OSBP2: variants seen among roughly 807,000 people sequenced by gnomAD.
OSBP2 encodes oxysterol-binding protein 2.
Under a neutral mutation model 96.0 loss-of-function variants are expected in OSBP2, and 66 were observed. The ratio of observed to expected loss-of-function variants is 0.69; its 90% CI spans 0.56 to 0.84. OSBP2 has a LOEUF of 0.84. Among genes scored for constraint, OSBP2 ranks in the 40% least tolerant of loss-of-function variants. The probability of loss-of-function intolerance (pLI) is 0.00; values close to 1 mark genes in which losing one functional copy is unlikely to be tolerated. For synonymous variants in OSBP2, 525 were observed against 520.9 expected (o/e 1.01, Z -0.11); for missense variants, 1,038 against 1,222.7 (o/e 0.85, Z 2.25).
intron 2 of OSBP2, among the ~76,000 whole-genome samples, chr22:30,766,439 A>T (rs755826510): frequency 6.6e-6 from 1 of 152,144 alleles, no homozygotes; most frequent in African/African-American, 2.4e-5. Context: ...ACAAATAAAC[A>T]TATCTAGGCT....
chr22:30,872,532 C>G, intron 3 of OSBP2: 1 of 368,868 alleles, frequency 2.7e-6, no homozygotes, highest in Non-Finnish European at 5.4e-6. Context: ...AAGCACAACC[C>G]CCTGGGGTTG....
chr22:30,891,730 G>C (rs997178635), intron 8 of OSBP2, among the ~76,000 whole-genome samples: 2 of 152,122 alleles, frequency 1.3e-5, no homozygotes, highest in African/African-American at 2.4e-5. Context: ...ATACGGGGGT[G>C]GGGGGCAGTC....
intron 2 of OSBP2, among the ~76,000 whole-genome samples, chr22:30,867,963 G>C (rs2039379481): frequency 6.6e-6 from 1 of 152,260 alleles, no homozygotes; most frequent in South Asian, 2.1e-4. Context: ...TACTGAACCT[G>C]GAAGATGACG....
chr22:30,888,013 G>T (rs146988915), intron 4 of OSBP2, among the ~76,000 whole-genome samples: 53 of 152,252 alleles, frequency 3.5e-4, no homozygotes, highest in African/African-American at 1.2e-3. Flanking sequence ...CCAGAAAGAG[G>T]CTCCTGTGCG....
intron 12 of OSBP2, among the ~76,000 whole-genome samples, chr22:30,901,140 C>T (rs1216648051): frequency 6.6e-6 from 1 of 152,184 alleles, no homozygotes; most frequent in Non-Finnish European, 1.5e-5. Context: ...GTGATCTCGA[C>T]TCATTGCAAC....
intron 2 of OSBP2, among the ~76,000 whole-genome samples, chr22:30,833,381 A>G (rs2038570163): frequency 6.6e-6 from 1 of 152,258 alleles, no homozygotes. Context: ...AGAAATTTTA[A>G]AATAAGCGTA....
At chr22:30,902,788 G>T in intron 12 of OSBP2, 2 of 412,596 alleles carry the variant, frequency 4.8e-6, no homozygotes, top group South Asian at 2.0e-5. Flanking sequence ...ATGAGCCTGC[G>T]GTTGGGAGGG....
intron 2 of OSBP2, among the ~76,000 whole-genome samples, chr22:30,786,179 A>C (rs1363867017): frequency 6.6e-6 from 1 of 151,902 alleles, no homozygotes; most frequent in African/African-American, 2.4e-5. Context: ...GTGCCACCAC[A>C]CCCAGCTAAT....
At chr22:30,818,506 G>A (rs1304776312) in intron 2 of OSBP2, among the ~76,000 whole-genome samples, 1 of 152,168 alleles carries the variant, frequency 6.6e-6, no homozygotes, top group Non-Finnish European at 1.5e-5. Context: ...ATGTGCTTGC[G>A]ATTCTTAATG....
rs759074630 is a variant in OSBP2, at chr22:30,870,379, G to C, written c.854-50G>C. ...CTCGGCCTGGCTGTGCAGGCCTCTTGGTACCACGTCTGTTCGTAATGACCG... is the reference window on the plus strand; with the variant it reads ...CTCGGCCTGGCTGTGCAGGCCTCTTCGTACCACGTCTGTTCGTAATGACCG... On this transcript the variant is annotated intron_variant, in intron 2 of 13. Transcript: ENST00000332585. The surrounding 1 kb of genome is among the most constrained non-coding windows in gnomAD (Gnocchi z 4.1). 5.6e-5 allele frequency: 90 copies of C among 1,598,186 alleles called. No individual in the cohort carries two copies. The highest frequency in any genetic ancestry group is 6.9e-5 in the Non-Finnish European group (81 of 1,172,268).
chr22:30,876,566 G>C (rs1311601860), intron 3 of OSBP2, among the ~76,000 whole-genome samples: 1 of 152,186 alleles, frequency 6.6e-6, no homozygotes, highest in Non-Finnish European at 1.5e-5. Flanking sequence ...AGCCTCTCCC[G>C]ACCCGTTCCC....
intron 1 of OSBP2, among the ~76,000 whole-genome samples, chr22:30,733,065 A>C (rs1055953767): frequency 2.0e-5 from 3 of 152,222 alleles, no homozygotes; most frequent in Admixed American, 2.0e-4. Context: ...CTTCCGTTTC[A>C]TGAAGGATAA....
At chr22:30,824,582 T>G (rs1407039769) in intron 2 of OSBP2, among the ~76,000 whole-genome samples, 1 of 152,042 alleles carries the variant, frequency 6.6e-6, no homozygotes, top group South Asian at 2.1e-4. Context: ...AGGTGGGAGC[T>G]GCCTAGCCCC....
intron 3 of OSBP2, chr22:30,872,305 C>T (rs932061863): frequency 6.6e-6 from 3 of 456,516 alleles, no homozygotes; most frequent in Admixed American, 2.3e-5. Context: ...CCTGTCCCTC[C>T]CAGAAGCCAC....
At chr22:30,764,336 A>G in intron 2 of OSBP2, 2 of 985,342 alleles carry the variant, frequency 2.0e-6, no homozygotes, top group Non-Finnish European at 2.4e-6. Context: ...GGCTGGCCCT[A>G]AAGAATACCT....
chr22:30,829,173 G>A (rs1450093622), intron 2 of OSBP2, among the ~76,000 whole-genome samples: 1 of 152,224 alleles, frequency 6.6e-6, no homozygotes, highest in Non-Finnish European at 1.5e-5. Context: ...TCTCCAGGGA[G>A]CTGGTTCATT....
At chr22:30,766,266 T>C (rs958433925) in intron 2 of OSBP2, among the ~76,000 whole-genome samples, 3 of 152,126 alleles carry the variant, frequency 2.0e-5, no homozygotes, top group African/African-American at 4.8e-5. Context: ...GTATGGCTCA[T>C]GGAAGGGACT....
intron 1 of OSBP2, among the ~76,000 whole-genome samples, chr22:30,722,056 A>T (rs561341113): frequency 6.6e-6 from 1 of 152,120 alleles, no homozygotes; most frequent in African/African-American, 2.4e-5. Flanking sequence ...GAGGATCTGG[A>T]TGTATAGGCC....
chr22:30,883,565 G>A (rs932315568), intron 3 of OSBP2, among the ~76,000 whole-genome samples: 2 of 152,206 alleles, frequency 1.3e-5, no homozygotes, highest in African/African-American at 4.8e-5. Context: ...AGGGCAATGT[G>A]GGGAGGAGGG....
Sources: allele counts gnomAD v4.1 joint callset (sites outside exome capture counted in the v4.1 genomes callset), GRCh38; gene constraint gnomAD v4.1.1; non-coding constraint Gnocchi (gnomAD v3.1); transcripts MANE v1.5; gene names NCBI Gene and HGNC (gene_info 2026-07-23, HGNC 2026-07-21).